DLG2: variants seen among roughly 807,000 people sequenced by gnomAD.
DLG2 encodes the protein disks large homolog 2.
In DLG2, 45 loss-of-function variants were observed where a neutral mutation model predicts 132.5. That is an observed-to-expected ratio of 0.34 (90% CI 0.27 to 0.44). The LOEUF is 0.44. DLG2 is among the 20% of genes least tolerant of loss of function. The probability of loss-of-function intolerance (pLI) is 1.00; values close to 1 mark genes in which losing one functional copy is unlikely to be tolerated. For missense variants in DLG2, 1,045 were observed against 1,196.9 expected, an observed-to-expected ratio of 0.87 and a Z score of 1.87; for synonymous variants, 424 against 419.6, an observed-to-expected ratio of 1.01 and a Z score of -0.13.
At chr11:85,562,083 T>C (rs779265591) in intron 3 of DLG2, among the ~76,000 whole-genome samples, 4 of 151,690 alleles carry the variant, frequency 2.6e-5, no homozygotes, top group Non-Finnish European at 5.9e-5. Context: ...TACTGTACCT[T>C]TGCTTGAAAA....
intron 3 of DLG2, among the ~76,000 whole-genome samples, chr11:85,434,388 T>G (rs376849513): frequency 6.0e-5 from 9 of 150,026 alleles, no homozygotes; most frequent in Admixed American, 1.3e-4. Context: ...CCAGGGGCTG[T>G]TTTTTTTGAA....
At chr11:83,888,445 A>T (rs565414266) in intron 15 of DLG2, among the ~76,000 whole-genome samples, 184 of 152,192 alleles carry the variant, frequency 1.2e-3, no homozygotes, top group African/African-American at 4.1e-3. Flanking sequence ...TCAATGAAAT[A>T]AAAGAGGATA....
chr11:85,390,607 A>G (rs979517162), intron 3 of DLG2, among the ~76,000 whole-genome samples: 3 of 152,028 alleles, frequency 2.0e-5, no homozygotes, highest in Admixed American at 2.0e-4. Context: ...ACCACAGTGG[A>G]AAAAAAATGA....
chr11:85,435,418 G>A (rs182239597), intron 3 of DLG2, among the ~76,000 whole-genome samples: 86 of 152,178 alleles, frequency 5.7e-4, no homozygotes, highest in Non-Finnish European at 6.8e-4. Flanking sequence ...AAACCACATC[G>A]TCTCAGCCCA....
In DLG2 at chr11:83,786,766, T is replaced by C. The variant is rs35062128; in HGVS notation, c.1749A>G (p.Ala583=). 1 of 1,614,124 alleles carries C rather than the reference T, an allele frequency of 6.2e-7. No individual in the cohort carries two copies. Among genetic ancestry groups the C allele is most frequent in the Non-Finnish European group, 8.5e-7 (1 of 1,180,004 alleles). The change falls in exon 18 of 28, where the codon GCA becomes GCG. Residue 583 remains alanine (A), a synonymous_variant. Coordinates refer to ENST00000376104, the MANE Select transcript of DLG2 (RefSeq NM_001142699.3). Reference sequence around the variant, plus strand: ...GTGCAGCAGCTGCCTGCTCGTGGGATGCACCACGGAGGTCAATGCCATTCA... The same window carrying C: ...GTGCAGCAGCTGCCTGCTCGTGGGACGCACCACGGAGGTCAATGCCATTCA... The part of the protein sequence containing the change: ...LSVNGIDLRG[A]SHEQAAAALK...
chr11:84,375,391 A>T (rs1387425254), intron 7 of DLG2, among the ~76,000 whole-genome samples: 1 of 152,116 alleles, frequency 6.6e-6, no homozygotes, highest in Non-Finnish European at 1.5e-5. Context: ...AATATATATA[A>T]AACTTACCAA....
chr11:84,867,879 C>T (rs931451674), intron 6 of DLG2, among the ~76,000 whole-genome samples: 7 of 152,044 alleles, frequency 4.6e-5, no homozygotes, highest in Non-Finnish European at 8.8e-5. Context: ...TGGAGACCAT[C>T]CTGGCCAACA....
chr11:83,649,198 T>G (rs1274818563), intron 18 of DLG2, among the ~76,000 whole-genome samples: 1 of 152,046 alleles, frequency 6.6e-6, no homozygotes, highest in East Asian at 1.9e-4. Context: ...CTCAGGATAG[T>G]TAATATTTGA....
chr11:85,024,161 AAT>A (rs2060316625), intron 6 of DLG2, among the ~76,000 whole-genome samples: 1 of 152,116 alleles, frequency 6.6e-6, no homozygotes, highest in African/African-American at 2.4e-5. Flanking sequence ...GATCAAATAT[AAT>A]ATATGAGACA....
At chr11:83,945,538 T>C (rs201124560) in intron 14 of DLG2, among the ~76,000 whole-genome samples, 27 of 152,220 alleles carry the variant, frequency 1.8e-4, no homozygotes, top group South Asian at 2.1e-4. Flanking sequence ...GCAGGCAAGA[T>C]AGAGCCTATT....
chr11:84,038,671 T>C (rs376577681), intron 11 of DLG2, among the ~76,000 whole-genome samples: 2 of 152,108 alleles, frequency 1.3e-5, no homozygotes, highest in East Asian at 1.9e-4. Flanking sequence ...CCATATTCTA[T>C]GTATATATAA....
chr11:85,546,377 T>G (rs929064751), intron 3 of DLG2, among the ~76,000 whole-genome samples: 10 of 152,222 alleles, frequency 6.6e-5, no homozygotes, highest in Non-Finnish European at 1.3e-4. Flanking sequence ...TGATTTCCGT[T>G]CTTTTGCATT....
At chr11:83,978,095 C>G (rs929723689) in intron 12 of DLG2, among the ~76,000 whole-genome samples, 1 of 151,368 alleles carries the variant, frequency 6.6e-6, no homozygotes, top group African/African-American at 2.4e-5. Context: ...ATTATATCTA[C>G]GATGAATATC....
chr11:85,007,395 T>C (rs1034423146), intron 6 of DLG2, among the ~76,000 whole-genome samples: 1 of 151,854 alleles, frequency 6.6e-6, no homozygotes, highest in Admixed American at 6.6e-5. Context: ...GCGCAGTGGC[T>C]CACGCCTGTA....
At chr11:84,724,674 T>A (rs990790443) in intron 6 of DLG2, among the ~76,000 whole-genome samples, 1 of 152,130 alleles carries the variant, frequency 6.6e-6, no homozygotes, top group African/African-American at 2.4e-5. Flanking sequence ...GGAAAGCAAA[T>A]GACAGGGCGA....
rs537720047 is a variant in DLG2, at chr11:83,675,040, A to G, written c.1826-41715T>C. On this transcript the variant is annotated intron_variant, in intron 18 of 27. Coordinates refer to ENST00000376104, the MANE Select transcript of DLG2 (RefSeq NM_001142699.3). ...ATAGAAAGTAAATAACAGTTTTGTC[A>G]CTTCCTCTTCTATGCTGTAAAAGTG... is the stretch of plus-strand genomic sequence containing the variant. Among the ~76,000 whole-genome samples, 6 of 152,368 alleles carry G rather than the reference A, an allele frequency of 3.9e-5. No individual in the cohort carries two copies. In the South Asian group the frequency reaches 1.2e-3, roughly 32 times the overall value.
Position 83,459,020 on chromosome 11 carries a change from A to G in DLG2, c.*798T>C, listed in dbSNP as rs2089418307. 1 of 152,408 alleles carries G rather than the reference A, an allele frequency of 6.6e-6. No homozygotes were observed. The highest frequency in any genetic ancestry group is 2.1e-4 in the South Asian group (1 of 4,830). 9.4% of individuals were successfully genotyped at this position (152,408 alleles called of 1,614,324 possible). On this transcript the variant is annotated 3_prime_UTR_variant, in exon 28 of 28. Transcript: ENST00000376104. ...TCATCTGCTGATGTTGCATACATTT[A>G]GTCTTTCAATATTAGTCTTTACAAA...
chr11:83,550,441 T>C (rs781381700), intron 19 of DLG2, among the ~76,000 whole-genome samples: 4 of 152,152 alleles, frequency 2.6e-5, no homozygotes, highest in Admixed American at 6.6e-5. Context: ...CGGGGCCCAT[T>C]TGAGCCCACC....
intron 5 of DLG2, among the ~76,000 whole-genome samples, chr11:85,115,626 A>G (rs976109401): frequency 3.3e-5 from 5 of 151,984 alleles, no homozygotes; most frequent in Non-Finnish European, 7.4e-5. Flanking sequence ...AGGTGGAAGT[A>G]TTTAACTCTG....
Sources: allele counts gnomAD v4.1 joint callset (sites outside exome capture counted in the v4.1 genomes callset), GRCh38; gene constraint gnomAD v4.1.1; transcripts MANE v1.5; gene names NCBI Gene and HGNC (gene_info 2026-07-23, HGNC 2026-07-21).